BPIFB6: variants seen among roughly 807,000 people sequenced by gnomAD.
BPIFB6 encodes BPI fold containing family B member 6, also known as BPI fold-containing family B member 6.
Under a neutral mutation model 54.7 loss-of-function variants are expected in BPIFB6, and 47 were observed. That is an observed-to-expected ratio of 0.86 (90% confidence interval 0.68 to 1.10). The LOEUF (loss-of-function observed/expected upper bound fraction) is 1.10, where lower values mean the gene tolerates loss of function less well. Among genes scored for constraint, BPIFB6 ranks in the 50% least tolerant of loss-of-function variants. The probability of loss-of-function intolerance (pLI) is 0.00; values close to 1 mark genes in which losing one functional copy is unlikely to be tolerated. For missense variants in BPIFB6, 603 were observed against 564.1 expected, an observed-to-expected ratio of 1.07 and a Z score of -0.70; for synonymous variants, 255 against 225.9, an observed-to-expected ratio of 1.13 and a Z score of -1.16.
chr20:33,033,260 G>T (rs1004935834), intron 2 of BPIFB6, 177 bp downstream of exon 2: 2 of 686,708 alleles, frequency 2.9e-6, no homozygotes. Flanking sequence ...GCCTGTGCCT[G>T]GACCTCCTCA....
chr20:33,035,006 C>A, intron 4 of BPIFB6, 75 bp from the exon 5 acceptor site: 1 of 1,607,528 alleles, frequency 6.2e-7, no homozygotes, highest in South Asian at 1.1e-5. Context: ...CTTAACCATG[C>A]CCCTTCATGT....
rs1166871378 is a variant in BPIFB6, at chr20:33,039,220, C to A, written c.901-127C>A. 6.8e-6 allele frequency: 7 copies of A among 1,029,538 alleles called. No individual in the cohort carries two copies. In the Admixed American group the frequency reaches 1.6e-4, roughly 24 times the overall value. 63.8% of individuals were successfully genotyped at this position (1,029,538 alleles called of 1,614,324 possible). On this transcript the variant is annotated intron_variant, in intron 9 of 14. Coordinates refer to ENST00000349552, the MANE Select transcript of BPIFB6 (RefSeq NM_174897.2). ...TCTTTTATTTCCTGATAGACACATC[C>A]TGGCCTTTGCATGTTGTACTTCCTG... is the stretch of plus-strand genomic sequence containing the variant.
In BPIFB6 at chr20:33,039,376, C is replaced by G; in HGVS notation, c.930C>G (p.Pro310=). Residue 310 remains proline, a synonymous_variant, in exon 10 of 15, where the codon CCC becomes CCG. Transcript: ENST00000349552. ...CTGTAGCTTATCCCAAGTCAAAGCC[C>G]TTGACGACCCAGATCAAGATAAAGA... is the stretch of plus-strand genomic sequence containing the variant. The part of the protein sequence containing the change: ...EVAVAYPKSK[P]LTTQIKIKKP... 1.2e-6 allele frequency: 2 copies of G among 1,613,444 alleles called. No homozygotes were observed. Among genetic ancestry groups the G allele is most frequent in the Middle Eastern group, 1.7e-4 (1 of 6,058 alleles).
rs972216918 is a variant in BPIFB6 at position 33,039,385 on chromosome 20, C to A, written c.939C>A (p.Thr313=). 1.9e-6 allele frequency: 3 copies of A among 1,613,762 alleles called. No individual in the cohort carries two copies. Among genetic ancestry groups the A allele is most frequent in the Admixed American group, 1.7e-5 (1 of 59,932 alleles). Residue 313 remains threonine, a synonymous_variant, in exon 10 of 15, where the codon ACC becomes ACA. Coordinates refer to ENST00000349552, the MANE Select transcript of BPIFB6 (RefSeq NM_174897.2). ...ATCCCAAGTCAAAGCCCTTGACGACCCAGATCAAGATAAAGAAGCCTCCCA... is the reference window on the plus strand; with the variant it reads ...ATCCCAAGTCAAAGCCCTTGACGACACAGATCAAGATAAAGAAGCCTCCCA... The part of the protein sequence containing the change: ...VAYPKSKPLT[T]QIKIKKPPKV...
chr20:33,043,514 A>G (rs1600528592), intron 14 of BPIFB6, 147 bp downstream of exon 14: 1 of 690,320 alleles, frequency 1.4e-6, no homozygotes, highest in East Asian at 2.6e-5. Flanking sequence ...AGAATCTAGA[A>G]CACTCCTTGA....
At chr20:33,037,050 T>G (rs529751988) in intron 7 of BPIFB6, among the ~76,000 whole-genome samples, 189 of 151,886 alleles carry the variant, frequency 1.2e-3, no homozygotes, top group African/African-American at 4.5e-3. Flanking sequence ...TGGGGGAGGG[T>G]AGGGCTGGGC....
chr20:33,032,301 C>T (rs1238180058), intron 1 of BPIFB6, among the ~76,000 whole-genome samples: 5 of 152,206 alleles, frequency 3.3e-5, no homozygotes, highest in African/African-American at 1.2e-4. Flanking sequence ...AATGACTGTT[C>T]TACCAGCTCA....
intron 2 of BPIFB6, 24 bp downstream of exon 2, chr20:33,033,107 G>C: frequency 6.3e-7 from 1 of 1,578,250 alleles, no homozygotes; most frequent in Non-Finnish European, 8.7e-7. Context: ...GGGAGCTGGA[G>C]GGTGGTGGTT....
rs767029830 is a variant in BPIFB6 at position 33,038,888 on chromosome 20, AC to A, written c.847-19del. On this transcript the variant is annotated intron_variant, in intron 8 of 14. Transcript: ENST00000349552. ...GCCAGGGAGGACTCCAGCAACCCTA[AC>A]CTTGACTTTTATTCTGTAGATTGGT... 1.9e-6 allele frequency: 3 copies of A among 1,613,770 alleles called. No individual in the cohort carries two copies. The highest frequency in any genetic ancestry group is 2.2e-5 in the East Asian group (1 of 44,860).
chr20:33,041,790 G>A (rs964128029), intron 11 of BPIFB6, among the ~76,000 whole-genome samples, 180 bp from the exon 12 acceptor site: 1 of 152,172 alleles, frequency 6.6e-6, no homozygotes, highest in African/African-American at 2.4e-5. Flanking sequence ...AAGGTAGTGA[G>A]TGTCCCATCA....
At chr20:33,033,557 A>G (rs1253828705) in intron 2 of BPIFB6, 5 of 456,840 alleles carry the variant, frequency 1.1e-5, no homozygotes, top group Non-Finnish European at 1.8e-5. Flanking sequence ...CTCGGCAGGA[A>G]CTAGGACTGT....
chr20:33,037,787 C>A, intron 8 of BPIFB6, 49 bp downstream of exon 8: 1 of 1,583,550 alleles, frequency 6.3e-7, no homozygotes, highest in Non-Finnish European at 8.6e-7. Context: ...CATTACAATG[C>A]AGTCCCTGCC....
intron 2 of BPIFB6, chr20:33,033,539 T>A (rs1251616749): frequency 2.2e-6 from 1 of 456,464 alleles, no homozygotes; most frequent in East Asian, 7.0e-5. Flanking sequence ...TCTGAGGCAC[T>A]GTCTGCACTC....
chr20:33,038,976 C>T lies in BPIFB6; in HGVS notation c.900+14C>T, dbSNP rs1274032075. On this transcript the variant is annotated intron_variant, in intron 9 of 14. Transcript: ENST00000349552. ...TTCATTCCTGAAGTGAGTGCCCCAC[C>T]TCCCCATCACCACTGCACCCTGTCC... is the stretch of plus-strand genomic sequence containing the variant. 2.5e-6 allele frequency: 4 copies of T among 1,613,770 alleles called. No individual in the cohort carries two copies. Among genetic ancestry groups the T allele is most frequent in the Non-Finnish European group, 3.4e-6 (4 of 1,179,864 alleles).
At chr20:33,039,253 C>A in intron 9 of BPIFB6, 94 bp from the exon 10 acceptor site, 1 of 1,300,506 alleles carries the variant, frequency 7.7e-7, no homozygotes, top group South Asian at 1.5e-5. Context: ...CTGTGTCCAA[C>A]GTAGAAATCA....
At chr20:33,037,234 T>C (rs2146365735) in intron 7 of BPIFB6, among the ~76,000 whole-genome samples, 1 of 152,342 alleles carries the variant, frequency 6.6e-6, no homozygotes, top group Middle Eastern at 3.4e-3. Flanking sequence ...GATTTCCGCC[T>C]GTCTCTTTCT....
rs530550385 is a variant in BPIFB6, at chr20:33,032,789, C to T, written c.98-195C>T. Among the ~76,000 whole-genome samples the T allele has an allele frequency of 5.9e-5, 9 of 152,348 alleles. No homozygotes were observed. The East Asian group carries it at 1.2e-3, about 20-fold the overall frequency. ...GCTCTTCTCTTCCTACCTAAACCCT[C>T]GTGCGGCTCCTACAGCTTGTTACTG... On this transcript the variant is annotated intron_variant, in intron 1 of 14. Transcript: ENST00000349552.
intron 7 of BPIFB6, 21 bp downstream of exon 7, chr20:33,036,557 G>A: frequency 1.2e-6 from 2 of 1,601,176 alleles, no homozygotes; most frequent in East Asian, 4.5e-5. Flanking sequence ...AGGGCCACCT[G>A]GGAGCTGGGG....
intron 9 of BPIFB6, 112 bp downstream of exon 9, chr20:33,039,074 C>A: frequency 8.0e-7 from 1 of 1,257,352 alleles, no homozygotes; most frequent in Non-Finnish European, 1.1e-6. Flanking sequence ...ATTCCTTGTC[C>A]AATGCTGAAA....
Sources: allele counts gnomAD v4.1 joint callset (sites outside exome capture counted in the v4.1 genomes callset), GRCh38; gene constraint gnomAD v4.1.1; transcripts MANE v1.5; gene names NCBI Gene and HGNC (gene_info 2026-07-23, HGNC 2026-07-21).